The following CHN2 variants were observed in gnomAD, a reference collection of about 807,000 sequenced individuals.
CHN2 encodes beta-chimaerin.
Under a neutral mutation model 56.3 loss-of-function variants are expected in CHN2, and 35 were observed. That is an observed-to-expected ratio of 0.62 (90% CI 0.47 to 0.82). The LOEUF (loss-of-function observed/expected upper bound fraction) is 0.82, where lower values mean the gene tolerates loss of function less well. Ranked by LOEUF, CHN2 falls within the 40% of genes least tolerant of loss-of-function variation. CHN2 has a pLI of 0.00. For missense variants in CHN2, 491 were observed against 580.5 expected (o/e 0.85, Z 1.58); for synonymous variants, 210 against 212.8 (o/e 0.99, Z 0.12).
intron 1 of CHN2, among the ~76,000 whole-genome samples, chr7:29,301,824 A>G (rs976276154): frequency 6.6e-5 from 10 of 152,206 alleles, no homozygotes; most frequent in African/African-American, 2.4e-4. Flanking sequence ...AAATAGGTCC[A>G]TGTTTGAGTT....
intron 2 of CHN2, among the ~76,000 whole-genome samples, chr7:29,161,741 G>A (rs1355573463): frequency 6.6e-6 from 1 of 152,064 alleles, no homozygotes; most frequent in Non-Finnish European, 1.5e-5. Flanking sequence ...AGATGAAAAC[G>A]ATGAGCCACC....
At chr7:29,442,841 T>G (rs1407091717) in intron 6 of CHN2, among the ~76,000 whole-genome samples, 1 of 152,076 alleles carries the variant, frequency 6.6e-6, no homozygotes, top group Non-Finnish European at 1.5e-5. Flanking sequence ...TTTCAGCGAT[T>G]AATACCTGAA....
intron 2 of CHN2, among the ~76,000 whole-genome samples, chr7:29,177,044 T>C (rs577558745): frequency 5.4e-4 from 82 of 152,258 alleles, no homozygotes; most frequent in African/African-American, 1.7e-3. Context: ...AAAATATAGA[T>C]GGAAGAGGCA....
At chr7:29,153,457 T>C (rs1793891778) in intron 2 of CHN2, among the ~76,000 whole-genome samples, 1 of 152,226 alleles carries the variant, frequency 6.6e-6, no homozygotes, top group African/African-American at 2.4e-5. Context: ...GACCAACCCC[T>C]CTTCTTCCTT....
intron 1 of CHN2, among the ~76,000 whole-genome samples, chr7:29,195,723 ATT>A (rs556782246): frequency 6.6e-6 from 1 of 151,316 alleles, no homozygotes. Context: ...CAAGGCATGC[ATT>A]TTTTTTCCTT....
rs911922281 is a variant in CHN2 at position 29,194,870 on chromosome 7, G to T, written c.-72G>T. 4 of 1,322,328 alleles carry T rather than the reference G, an allele frequency of 3.0e-6. No individual in the cohort carries two copies. The highest frequency in any genetic ancestry group is 1.9e-6 in the Non-Finnish European group (2 of 1,031,076). The allele number at this position is 1,322,328 out of a possible 1,614,324, so 81.9% of individuals were successfully genotyped here. A position where few individuals can be genotyped will look rare whatever the true frequency, so the allele number is the denominator to read the frequency against. On this transcript the variant is annotated 5_prime_UTR_variant, in exon 1 of 13. Transcript: ENST00000222792. ...GCTGGGGGCCGCGGAGGCTGCGAGC[G>T]GCCGGGCGAGGGCAGCGGCGGCGGC...
At chr7:29,445,936 T>C (rs1784000501) in intron 6 of CHN2, among the ~76,000 whole-genome samples, 1 of 151,804 alleles carries the variant, frequency 6.6e-6, no homozygotes, top group Non-Finnish European at 1.5e-5. Flanking sequence ...CTTGCCTTAC[T>C]GTGGAGCCGG....
chr7:29,346,681 A>C (rs1797464383), intron 1 of CHN2, among the ~76,000 whole-genome samples: 1 of 152,180 alleles, frequency 6.6e-6, no homozygotes, highest in Non-Finnish European at 1.5e-5. Flanking sequence ...ACATCGGTGA[A>C]ACTTTGGCTC....
At chr7:29,147,840 A>C (rs1268100997) in intron 2 of CHN2, among the ~76,000 whole-genome samples, 2 of 152,258 alleles carry the variant, frequency 1.3e-5, no homozygotes, top group African/African-American at 4.8e-5. Flanking sequence ...GATTAAGTAC[A>C]ATAAGTTCTA....
At chr7:29,483,955 T>C in intron 7 of CHN2, 1 of 1,105,508 alleles carries the variant, frequency 9.0e-7, no homozygotes, top group Non-Finnish European at 1.2e-6. Context: ...GCGAGTCACT[T>C]ATCGTGGTCT....
At chr7:29,453,814 C>G (rs555474038) in intron 6 of CHN2, among the ~76,000 whole-genome samples, 3 of 152,266 alleles carry the variant, frequency 2.0e-5, no homozygotes, top group East Asian at 3.9e-4. Flanking sequence ...AAGATTCACT[C>G]GGGTCCTTTG....
intron 6 of CHN2, among the ~76,000 whole-genome samples, chr7:29,475,574 T>C (rs1306288966): frequency 6.6e-6 from 1 of 152,222 alleles, no homozygotes; most frequent in Non-Finnish European, 1.5e-5. Flanking sequence ...AGGATATTCT[T>C]AGTAGCATGG....
chr7:29,450,092 G>C (rs1195296970), intron 6 of CHN2, among the ~76,000 whole-genome samples: 1 of 152,106 alleles, frequency 6.6e-6, no homozygotes, highest in Non-Finnish European at 1.5e-5. Context: ...ATCTCTTGAA[G>C]GCAAACAGAA....
chr7:29,386,167 T>C (rs539145900), intron 3 of CHN2, among the ~76,000 whole-genome samples: 17 of 152,358 alleles, frequency 1.1e-4, no homozygotes, highest in Non-Finnish European at 2.1e-4. Flanking sequence ...GTCTGCTCAA[T>C]TTTCATTCTA....
intron 1 of CHN2, among the ~76,000 whole-genome samples, chr7:29,256,764 C>G (rs997514539): frequency 9.9e-5 from 15 of 152,114 alleles, no homozygotes; most frequent in African/African-American, 3.4e-4. Context: ...CCTAGAGGAA[C>G]TTAGGCAGGC....
chr7:29,429,570 TACACACACACAGACAC>T (rs755066774), intron 6 of CHN2, among the ~76,000 whole-genome samples: 2 of 127,976 alleles, frequency 1.6e-5, no homozygotes, highest in Non-Finnish European at 3.2e-5. Context: ...AAGCATGAGT[TACACACACACAGACAC>T]ACACACACAC....
intron 7 of CHN2, among the ~76,000 whole-genome samples, chr7:29,487,303 A>G (rs1342038057): frequency 6.6e-6 from 1 of 152,198 alleles, no homozygotes; most frequent in Non-Finnish European, 1.5e-5. Context: ...ATTCAAAACA[A>G]AGGCAAAACT....
At position 29,498,442 on chromosome 7, in the gene CHN2, A is replaced by G. The variant is rs1789538433; in HGVS notation, c.740-1425A>G. Among the ~76,000 whole-genome samples the G allele has an allele frequency of 2.0e-5, 3 of 152,358 alleles. No individual in the cohort carries two copies. In the South Asian group the frequency reaches 6.2e-4, roughly 32 times the overall value. ...TTTCTCATGTTGATAAAGATTAATT[A>G]GAACTGTTTTTGTTTTTTTTATTTT... On this transcript the variant is annotated intron_variant, in intron 8 of 12. Transcript: ENST00000222792.
intron 2 of CHN2, among the ~76,000 whole-genome samples, chr7:29,166,647 C>G: frequency 6.6e-6 from 1 of 151,808 alleles, no homozygotes; most frequent in Admixed American, 6.6e-5. Context: ...AATATTATGG[C>G]AAAAAAGATG....
Sources: allele counts gnomAD v4.1 joint callset (sites outside exome capture counted in the v4.1 genomes callset), GRCh38; gene constraint gnomAD v4.1.1; transcripts MANE v1.5; gene names NCBI Gene and HGNC (gene_info 2026-07-23, HGNC 2026-07-21).